Variants in CHD7 observed in about 807,000 individuals in gnomAD.
The protein encoded by CHD7 is chromodomain helicase DNA binding protein 7, also known as ATP-dependent chromatin remodeler CHD7.
Under a neutral mutation model 307.3 loss-of-function variants are expected in CHD7, and 24 were observed. The ratio of observed to expected loss-of-function variants is 0.08; its 90% confidence interval spans 0.06 to 0.11. The LOEUF is 0.11. Ranked by LOEUF, CHD7 falls within the 10% of genes least tolerant of loss-of-function variation. CHD7 has a pLI of 1.00. For synonymous variants in CHD7, 1,363 were observed against 1,349.9 expected, an observed-to-expected ratio of 1.01 and a Z score of -0.21; for missense variants, 3,106 against 3,727.1, an observed-to-expected ratio of 0.83 and a Z score of 4.34.
At chr8:60,823,771 A>G (rs888867899) in intron 12 of CHD7, 69 bp from the exon 13 acceptor site, 24 of 1,261,700 alleles carry the variant, frequency 1.9e-5, no homozygotes, top group Middle Eastern at 3.7e-4. Flanking sequence ...GTTTTATGCT[A>G]TTTATTCATC....
Position 60,742,768 on chromosome 8 carries a change from G to A in CHD7, c.1336G>A (p.Gly446Arg), listed in dbSNP as rs765014704. 5.0e-6 allele frequency: 8 copies of A among 1,613,998 alleles called. No individual in the cohort carries two copies. Among genetic ancestry groups the A allele is most frequent in the East Asian group, 2.2e-5 (1 of 44,884 alleles). The change falls in exon 2 of 38, where the codon GGA (glycine) becomes AGA (arginine). Residue 446 changes from glycine (G) to arginine (R), a missense_variant. Gly to Arg is a moderately radical substitution (Grantham distance 125). Around this residue, in one of 10 missense-constraint regions of CHD7, gnomAD observed 998 missense variants for 1,004.5 expected, o/e 0.99. Coordinates refer to ENST00000423902, the MANE Select transcript of CHD7 (RefSeq NM_017780.4). The part of the protein sequence containing the change: ...SHQPPGAMGI[G>R]QRNMGPRNMQ... ...CCAGCCCCCTGGTGCCATGGGAATC[G>A]GACAGAGGAATATGGGCCCCAGAAA... is the stretch of plus-strand genomic sequence containing the variant.
chr8:60,852,215 A>C lies in CHD7; in HGVS notation c.5862A>C (p.Glu1954Asp), dbSNP rs1360623669. The C allele has an allele frequency of 5.0e-6, 8 of 1,613,604 alleles. No individual in the cohort carries two copies. The highest frequency in any genetic ancestry group is 6.8e-6 in the Non-Finnish European group (8 of 1,179,848). ...PREEVRALEA[E>D]REAIISEKRQ... ...AGGAAGTGAGAGCTCTGGAAGCGGAAAGGGAAGCTATTATATCTGAGAAGC... is the reference window on the plus strand; with the variant it reads ...AGGAAGTGAGAGCTCTGGAAGCGGACAGGGAAGCTATTATATCTGAGAAGC... The change falls in exon 29 of 38, where the codon GAA becomes GAC. Residue 1954 changes from glutamate to aspartate, a missense_variant. Transcript: ENST00000423902.
intron 2 of CHD7, among the ~76,000 whole-genome samples, chr8:60,752,803 A>AAT: frequency 6.6e-6 from 1 of 152,234 alleles, no homozygotes; most frequent in East Asian, 1.9e-4. Context: ...AAACAAGTCT[A>AAT]GCATGAAGAG....
rs1803755671 is a variant in CHD7, at chr8:60,816,486, C to T, written c.2598C>T (p.Asn866=). 1 of 1,600,816 alleles carries T rather than the reference C, an allele frequency of 6.2e-7. No individual in the cohort carries two copies. Among genetic ancestry groups the T allele is most frequent in the Non-Finnish European group, 8.5e-7 (1 of 1,171,086 alleles). The change falls in exon 8 of 38, where the codon AAC becomes AAT. Residue 866 remains asparagine (N), a synonymous_variant. Transcript: ENST00000423902. ...IKRFKAKQGQ[N]KFLSEIEDEL... is the part of the protein sequence containing the mutation. ...GATTTAAGGCAAAGCAGGGCCAGAACAAGTTCCTTTCAGAGGTACGACATA... is the reference window on the plus strand; with the variant it reads ...GATTTAAGGCAAAGCAGGGCCAGAATAAGTTCCTTTCAGAGGTACGACATA...
intron 28 of CHD7, 97 bp from the exon 29 acceptor site, chr8:60,851,922 G>A (rs1210479312): frequency 5.1e-6 from 4 of 783,130 alleles, no homozygotes; most frequent in Non-Finnish European, 8.1e-6. Context: ...TTCCCACACT[G>A]TCATTTGAAT....
At chr8:60,698,392 C>T (rs1410906985) in intron 1 of CHD7, among the ~76,000 whole-genome samples, 3 of 151,960 alleles carry the variant, frequency 2.0e-5, no homozygotes, top group Non-Finnish European at 4.4e-5. Context: ...CTCCACCAGC[C>T]ATAGGAAAGA....
At chr8:60,699,908 T>C (rs1806674904) in intron 1 of CHD7, among the ~76,000 whole-genome samples, 1 of 151,898 alleles carries the variant, frequency 6.6e-6, no homozygotes, top group Non-Finnish European at 1.5e-5. Context: ...TGATTTCAGC[T>C]CACCACAACC....
chr8:60,860,479 G>A (rs1033383675), intron 34 of CHD7, among the ~76,000 whole-genome samples: 3 of 152,186 alleles, frequency 2.0e-5, no homozygotes, highest in African/African-American at 7.2e-5. Context: ...CTGTTGCCTA[G>A]GCTGGAGTGC....
chr8:60,850,785 C>T (rs767322827), intron 26 of CHD7, 163 bp downstream of exon 26: 6 of 772,054 alleles, frequency 7.8e-6, no homozygotes, highest in Non-Finnish European at 1.3e-5. Flanking sequence ...ACTGTTTAAA[C>T]AATATACATT....
At chr8:60,815,422 A>G (rs1008622754) in intron 7 of CHD7, among the ~76,000 whole-genome samples, 1 of 152,224 alleles carries the variant, frequency 6.6e-6, no homozygotes, top group Non-Finnish European at 1.5e-5. Context: ...GTCATCAGAA[A>G]GAGAAATAAG....
chr8:60,844,312 A>G (rs1050058849), intron 21 of CHD7, among the ~76,000 whole-genome samples: 3 of 152,170 alleles, frequency 2.0e-5, no homozygotes, highest in Admixed American at 2.0e-4. Context: ...CTTGCCTGTG[A>G]TGGTTCTTAT....
At chr8:60,714,273 C>A (rs1181379689) in intron 1 of CHD7, among the ~76,000 whole-genome samples, 2 of 152,072 alleles carry the variant, frequency 1.3e-5, no homozygotes, top group African/African-American at 4.8e-5. Flanking sequence ...CTGCCGGCAC[C>A]GTGGCCTCCC....
At chr8:60,832,447 GGTGA>G (rs1341958231) in intron 15 of CHD7, among the ~76,000 whole-genome samples, 2 of 152,144 alleles carry the variant, frequency 1.3e-5, no homozygotes, top group Non-Finnish European at 2.9e-5. Flanking sequence ...CAGCCGTTAC[GGTGA>G]GTGTTAACTA....
chr8:60,803,927 A>G (rs1451947918), intron 6 of CHD7, among the ~76,000 whole-genome samples: 5 of 152,220 alleles, frequency 3.3e-5, no homozygotes, highest in Admixed American at 2.0e-4. Flanking sequence ...TATCTCTGCC[A>G]GGCAGCACTG....
Position 60,742,992 on chromosome 8 carries a change from C to T in CHD7, c.1560C>T (p.His520=), listed in dbSNP as rs1271840526. 3 of 1,613,866 alleles carry T rather than the reference C, an allele frequency of 1.9e-6. No individual in the cohort carries two copies. The highest frequency in any genetic ancestry group is 2.5e-6 in the Non-Finnish European group (3 of 1,179,836). Residue 520 remains histidine (H), a synonymous_variant, in exon 2 of 38, where the codon CAC becomes CAT. Coordinates refer to ENST00000423902, the MANE Select transcript of CHD7 (RefSeq NM_017780.4). ...CAACCTGTCCTCCACTGCAGCCTCA[C>T]CCGGGCTTGCACCACCAGTCTTCAC... The part of the protein sequence containing the change: ...QLPTCPPLQP[H]PGLHHQSSPP...
intron 3 of CHD7, among the ~76,000 whole-genome samples, chr8:60,786,225 C>G (rs892879722): frequency 1.3e-5 from 2 of 152,198 alleles, no homozygotes; most frequent in Non-Finnish European, 2.9e-5. Context: ...ATCAGTGGCC[C>G]CATTGTGGCC....
intron 1 of CHD7, among the ~76,000 whole-genome samples, chr8:60,699,447 C>G (rs1476505105): frequency 6.6e-6 from 1 of 152,158 alleles, no homozygotes; most frequent in Non-Finnish European, 1.5e-5. Context: ...GATGATTTAA[C>G]TGTTTTGTTT....
chr8:60,699,982 C>A (rs1326725700), intron 1 of CHD7, among the ~76,000 whole-genome samples: 1 of 151,948 alleles, frequency 6.6e-6, no homozygotes, highest in Non-Finnish European at 1.5e-5. Flanking sequence ...AGGCATGCAC[C>A]ACCATGCCTG....
At chr8:60,800,546 A>G in intron 5 of CHD7, 21 bp downstream of exon 5, 2 of 1,570,428 alleles carry the variant, frequency 1.3e-6, no homozygotes. Flanking sequence ...GATCTGTGGG[A>G]TTTATGGATG....
Sources: allele counts gnomAD v4.1 joint callset (sites outside exome capture counted in the v4.1 genomes callset), GRCh38; gene constraint gnomAD v4.1.1; regional missense constraint gnomAD v4.1.1; transcripts MANE v1.5; gene names NCBI Gene and HGNC (gene_info 2026-07-23, HGNC 2026-07-21).